The following NDUFAF6 variants were observed in gnomAD, a reference collection of about 807,000 sequenced individuals.
The protein encoded by NDUFAF6 is NADH:ubiquinone oxidoreductase complex assembly factor 6, also known as NADH dehydrogenase (ubiquinone) complex I, assembly factor 6.
Under a neutral mutation model 40.8 loss-of-function variants are expected in NDUFAF6, and 45 were observed. That is an observed-to-expected ratio of 1.10 (90% CI 0.87 to 1.42). NDUFAF6 has a LOEUF of 1.42. NDUFAF6 is among the 40% of genes most tolerant of loss of function. The pLI is 0.00. For missense variants in NDUFAF6, 435 were observed against 418.5 expected, an observed-to-expected ratio of 1.04 and a Z score of -0.34; for synonymous variants, 185 against 155.9, an observed-to-expected ratio of 1.19 and a Z score of -1.39.
downstream of NDUFAF6, chr8:95,103,559 T>C (rs1002929989): frequency 4.6e-5 from 7 of 152,232 alleles, no homozygotes; most frequent in Admixed American, 1.3e-4. Context: ...ATTCAGGGGC[T>C]GACCCTGTGT....
chr8:94,989,890 A>G (rs973225181), intron 2 of NDUFAF6, among the ~76,000 whole-genome samples: 5 of 151,946 alleles, frequency 3.3e-5, no homozygotes, highest in African/African-American at 1.2e-4. Context: ...CCTCCCAAAT[A>G]GTTTTTTATT....
At chr8:95,116,800 G>A (rs142528408), downstream of NDUFAF6, among the ~76,000 whole-genome samples, 63 of 152,248 alleles carry the variant, frequency 4.1e-4, no homozygotes, top group African/African-American at 1.4e-3. Flanking sequence ...CCCAACTTAC[G>A]CTGACTTAAA....
In NDUFAF6 at chr8:95,055,830, A is replaced by G. The variant is rs75843718; in HGVS notation, c.874-1979A>G. Among the ~76,000 whole-genome samples, 882 of 152,372 alleles carry G rather than the reference A, an allele frequency of 5.8e-3. 4 individuals carry two copies. Among genetic ancestry groups the G allele is most frequent in the African/African-American group, 0.02 (825 of 41,586 alleles). ...TGTCTAGGTATATATATTGCAATGT[A>G]TAGCATAATAAACACCGATGAACTT... On this transcript the variant is annotated intron_variant, in intron 8 of 8. Transcript: ENST00000396124.
At chr8:95,085,736 A>G (rs1809026206) in intron 2 of NDUFAF6, 1 of 152,080 alleles carries the variant, frequency 6.6e-6, no homozygotes, top group Non-Finnish European at 1.5e-5. Flanking sequence ...CTTTGCTTGC[A>G]TTTCCACAGA....
chr8:94,934,220 T>C (rs1322839173), intron 1 of NDUFAF6, among the ~76,000 whole-genome samples: 1 of 152,092 alleles, frequency 6.6e-6, no homozygotes, highest in Non-Finnish European at 1.5e-5. Context: ...GTCATGAAAA[T>C]GTCATTTCCA....
intron 1 of NDUFAF6, among the ~76,000 whole-genome samples, chr8:94,918,372 A>G (rs1308129291): frequency 6.6e-6 from 1 of 152,096 alleles, no homozygotes; most frequent in East Asian, 1.9e-4. Flanking sequence ...TGGAGAAATA[A>G]GCTGCCAGGG....
intron 7 of NDUFAF6, among the ~76,000 whole-genome samples, chr8:95,051,270 A>T (rs1831395495): frequency 6.6e-6 from 1 of 152,162 alleles, no homozygotes; most frequent in Non-Finnish European, 1.5e-5. Flanking sequence ...GAGGAAAGAG[A>T]AGGAAAGAAT....
At position 95,048,488 on chromosome 8, in the gene NDUFAF6, G is replaced by T; in HGVS notation, c.746G>T (p.Arg249Met). 6.2e-7 allele frequency: 1 copy of T among 1,614,042 alleles called. No homozygotes were observed. ...HGVSQEDFLR[R>M]NQDKNVRDVI... ...GTTTCACAAGAGGACTTTCTACGGA[G>T]GAACCAAGATAAAAATGTGAGAGAT... Residue 249 changes from arginine (R) to methionine (M), a missense_variant, in exon 7 of 9, where the codon AGG (arginine) becomes ATG (methionine). Arg to Met is a moderately conservative substitution (Grantham distance 91). Coordinates refer to ENST00000396124, the MANE Select transcript of NDUFAF6 (RefSeq NM_152416.4).
At chr8:94,950,867 A>G (rs982537935) in intron 2 of NDUFAF6, 4 of 152,230 alleles carry the variant, frequency 2.6e-5, no homozygotes, top group Admixed American at 6.5e-5. Context: ...ACCTTTTTCC[A>G]GTTTGATAAG....
chr8:95,003,347 G>A (rs947178297), intron 2 of NDUFAF6, among the ~76,000 whole-genome samples: 3 of 152,220 alleles, frequency 2.0e-5, no homozygotes, highest in Non-Finnish European at 4.4e-5. Context: ...AGTGACTTAC[G>A]TCACGGAGAG....
intron 2 of NDUFAF6, among the ~76,000 whole-genome samples, chr8:95,101,527 A>G (rs1809647214): frequency 6.6e-6 from 1 of 152,302 alleles, no homozygotes; most frequent in Admixed American, 6.5e-5. Context: ...TCATGCTGTC[A>G]TGATGAACTG....
intron 4 of NDUFAF6, among the ~76,000 whole-genome samples, 183 bp downstream of exon 4, chr8:95,041,809 A>G (rs1587093671): frequency 6.6e-6 from 1 of 152,206 alleles, no homozygotes; most frequent in East Asian, 1.9e-4. Flanking sequence ...ACATTGAGAC[A>G]GACAAGCACC....
chr8:95,001,450 C>T (rs958274953), intron 2 of NDUFAF6, among the ~76,000 whole-genome samples: 4 of 152,078 alleles, frequency 2.6e-5, no homozygotes, highest in Non-Finnish European at 5.9e-5. Context: ...ACCTTTGGTG[C>T]CTCAACTTGA....
rs1393122525 is a variant in NDUFAF6 at position 94,931,607 on chromosome 8, C to CATATATAT, written c.-935-13875_-935-13874insTATATATA. 3.1e-3 allele frequency among the ~76,000 whole-genome samples: 458 copies of CATATATAT among 149,704 alleles called. 4 individuals are homozygous for CATATATAT. The highest frequency in any genetic ancestry group is 8.7e-3 in the African/African-American group (345 of 39,642). The stretch of plus-strand genomic sequence containing the variant: ...TTTATTACACACACACACACACACA[C>CATATATAT]ACATAAAATTTTTTTAAAGTAGAAT... On this transcript the variant is annotated intron_variant, in intron 1 of 14. Coordinates refer to the NDUFAF6 transcript ENST00000396113.
chr8:94,912,853 C>A (rs1386008794), intron 1 of NDUFAF6, among the ~76,000 whole-genome samples: 1 of 151,712 alleles, frequency 6.6e-6, no homozygotes, highest in Non-Finnish European at 1.5e-5. Context: ...GTGGCACATG[C>A]CTGTAGTCCC....
chr8:94,966,806 T>G (rs746542166), intron 1 of NDUFAF6, among the ~76,000 whole-genome samples: 10 of 152,184 alleles, frequency 6.6e-5, no homozygotes, highest in Non-Finnish European at 1.0e-4. Flanking sequence ...CATCATCCTA[T>G]TTCAGGCAGC....
chr8:94,995,667 G>A (rs543414078), intron 2 of NDUFAF6, among the ~76,000 whole-genome samples: 1 of 152,258 alleles, frequency 6.6e-6, no homozygotes, highest in African/African-American at 2.4e-5. Flanking sequence ...ACAGGGCAGT[G>A]ACTTGCTCAG....
At chr8:95,088,506 C>T (rs2132060434) in intron 2 of NDUFAF6, among the ~76,000 whole-genome samples, 1 of 152,258 alleles carries the variant, frequency 6.6e-6, no homozygotes, top group South Asian at 2.1e-4. Context: ...TCAGTGGTTT[C>T]CCACACTTTG....
chr8:94,986,870 C>T (rs1825934115), intron 2 of NDUFAF6, among the ~76,000 whole-genome samples: 1 of 152,108 alleles, frequency 6.6e-6, no homozygotes, highest in Non-Finnish European at 1.5e-5. Context: ...CATATTTGGC[C>T]ACTGTATATA....
Sources: gnomAD v4.1 joint callset for allele counts (sites outside exome capture counted in the v4.1 genomes callset) on GRCh38, gnomAD v4.1.1 for gene constraint, MANE v1.5 for transcripts, NCBI Gene and HGNC (gene_info 2026-07-23, HGNC 2026-07-21) for gene names.